Variants in GRID2IP observed in about 807,000 individuals in gnomAD.
GRID2IP encodes the protein delphilin.
A neutral mutation model predicts 114.3 loss-of-function variants in GRID2IP; 78 were observed. The ratio of observed to expected loss-of-function variants is 0.68; its 90% CI spans 0.57 to 0.82. The LOEUF (loss-of-function observed/expected upper bound fraction) is 0.82. Ranked by LOEUF, GRID2IP falls within the 40% of genes least tolerant of loss-of-function variation. The pLI is 0.00. For missense variants in GRID2IP, 1,727 were observed against 1,678.5 expected (o/e 1.03, Z -0.51); for synonymous variants, 809 against 724.0 (o/e 1.12, Z -1.89).
intron 4 of GRID2IP, among the ~76,000 whole-genome samples, chr7:6,524,519 G>A (rs1316537502): frequency 1.3e-5 from 2 of 152,128 alleles, no homozygotes; most frequent in African/African-American, 2.4e-5. Flanking sequence ...CACTGGAGGG[G>A]CAGGAAGAAA....
intron 16 of GRID2IP, among the ~76,000 whole-genome samples, 162 bp from the exon 17 acceptor site, chr7:6,503,325 C>T (rs1786471674): frequency 6.6e-6 from 1 of 152,244 alleles, no homozygotes. Flanking sequence ...TCCCATGTAC[C>T]TTGGACCCCT....
At chr7:6,541,575 C>T (rs903009671) in intron 1 of GRID2IP, among the ~76,000 whole-genome samples, 7 of 152,148 alleles carry the variant, frequency 4.6e-5, no homozygotes, top group East Asian at 3.8e-4. Flanking sequence ...TGGAAATGAG[C>T]GTGCAAATGG....
At chr7:6,540,943 C>T (rs963726582) in intron 1 of GRID2IP, among the ~76,000 whole-genome samples, 2 of 151,996 alleles carry the variant, frequency 1.3e-5, no homozygotes, top group Non-Finnish European at 2.9e-5. Context: ...CTCAAGTGAT[C>T]CTCCCTCTTT....
chr7:6,497,935 C>G, intron 21 of GRID2IP, 90 bp from the exon 22 acceptor site: 1 of 1,410,240 alleles, frequency 7.1e-7, no homozygotes. Context: ...GACAGCCCAT[C>G]AGGGGGTTAG....
intron 2 of GRID2IP, among the ~76,000 whole-genome samples, chr7:6,529,576 C>G (rs1017934074): frequency 6.6e-6 from 1 of 152,230 alleles, no homozygotes; most frequent in African/African-American, 2.4e-5. Flanking sequence ...GCCAAGGCTG[C>G]CTGGTGAGCC....
In GRID2IP at chr7:6,507,700, T is replaced by C. The variant is rs1484238234; in HGVS notation, c.2544+285A>G. On this transcript the variant is annotated intron_variant, in intron 13 of 21. Transcript: ENST00000457091. The surrounding 1 kb of genome is among the most constrained non-coding windows in gnomAD (Gnocchi z 5.3). ...TGAACCAGCTGCTCTTTTAAAGGTT[T>C]AAGAGAACTTGTCTGGCCTCAAAAG... Among the ~76,000 whole-genome samples the C allele has an allele frequency of 6.6e-6, 1 of 152,190 alleles. No homozygotes were observed. Among genetic ancestry groups the C allele is most frequent in the African/African-American group, 2.4e-5 (1 of 41,434 alleles).
chr7:6,510,598 G>A lies in GRID2IP; in HGVS notation c.1653+11C>T, dbSNP rs1366584443. 1.3e-6 allele frequency: 2 copies of A among 1,526,548 alleles called. No individual in the cohort carries two copies. The highest frequency in any genetic ancestry group is 2.8e-5 in the African/African-American group (2 of 71,476). The allele number at this position is 1,526,548 out of a possible 1,614,324, so 94.6% of individuals were successfully genotyped here. A position where few individuals can be genotyped will look rare whatever the true frequency, so the allele number is the denominator to read the frequency against. On this transcript the variant is annotated intron_variant, in intron 10 of 21. Transcript: ENST00000457091. Reference sequence around the variant, plus strand: ...CTACTGACCCCACGTGGAGGGCAGAGAAGGTCTCACCATCTTGGGGTTGGG... The same window carrying A: ...CTACTGACCCCACGTGGAGGGCAGAAAAGGTCTCACCATCTTGGGGTTGGG...
In GRID2IP at chr7:6,536,580, C is replaced by T. The variant is rs1779727299; in HGVS notation, c.584+3138G>A. ...TGGGAGAGGAGAACCGAGAGGGCCT[C>T]CAGCCGAGCCCGGCTGCCAGCAGCC... is the stretch of plus-strand genomic sequence containing the variant. On this transcript the variant is annotated intron_variant, in intron 2 of 21. Transcript: ENST00000457091. The surrounding 1 kb of genome is among the most constrained non-coding windows in gnomAD (Gnocchi z 5.3). Among the ~76,000 whole-genome samples the T allele has an allele frequency of 6.6e-6, 1 of 151,880 alleles. No homozygotes were observed. Among genetic ancestry groups the T allele is most frequent in the Non-Finnish European group, 1.5e-5 (1 of 67,958 alleles).
intron 1 of GRID2IP, among the ~76,000 whole-genome samples, chr7:6,543,323 G>A (rs1175021983): frequency 1.3e-5 from 2 of 151,964 alleles, no homozygotes; most frequent in African/African-American, 4.8e-5. Flanking sequence ...CTTGAGCCTG[G>A]GAGGCGGAGG....
Position 6,509,341 on chromosome 7 carries a change from C to T in GRID2IP, c.1772-28G>A. On this transcript the variant is annotated intron_variant, in intron 11 of 21. Transcript: ENST00000457091. This position sits in a 1 kb window ranked among gnomAD's most constrained non-coding sequence, Gnocchi z 4.9. Reference sequence around the variant, plus strand: ...GGAGGAGGGATGGAGTATGAGGATTCCTCTTCAGCCAGCACCGAGGTTCCA... The same window carrying T: ...GGAGGAGGGATGGAGTATGAGGATTTCTCTTCAGCCAGCACCGAGGTTCCA... 1.4e-6 allele frequency: 2 copies of T among 1,461,706 alleles called. No homozygotes were observed. The highest frequency in any genetic ancestry group is 9.1e-7 in the Non-Finnish European group (1 of 1,103,276). 90.5% of individuals were successfully genotyped at this position (1,461,706 alleles called of 1,614,324 possible).
At chr7:6,544,721 C>T (rs1436264996) in intron 1 of GRID2IP, among the ~76,000 whole-genome samples, 2 of 152,052 alleles carry the variant, frequency 1.3e-5, no homozygotes, top group Non-Finnish European at 2.9e-5. Flanking sequence ...GAGGACAAGG[C>T]GGGAGGATCA....
In GRID2IP at chr7:6,512,043, G is replaced by A. The variant is rs577231618; in HGVS notation, c.1424-1004C>T. On this transcript the variant is annotated intron_variant, in intron 8 of 21. Coordinates refer to ENST00000457091, the MANE Select transcript of GRID2IP (RefSeq NM_001145118.2). Reference sequence around the variant, plus strand: ...GAGCCTCAGCTTCCCAAGTAGCTGGGACCACAGGCATGCACCACCATGCCT... The same window carrying A: ...GAGCCTCAGCTTCCCAAGTAGCTGGAACCACAGGCATGCACCACCATGCCT... 5.3e-5 allele frequency among the ~76,000 whole-genome samples: 8 copies of A among 151,262 alleles called. No homozygotes were observed. In the East Asian group the frequency reaches 1.6e-3, roughly 29 times the overall value.
At position 6,500,874 on chromosome 7, in the gene GRID2IP, A is replaced by G. The variant is rs530697826; in HGVS notation, c.3399+907T>C. 4.4e-4 allele frequency among the ~76,000 whole-genome samples: 67 copies of G among 152,326 alleles called. 2 individuals carry two copies. The South Asian group carries it at 0.014, about 31-fold the overall frequency. On this transcript the variant is annotated intron_variant, in intron 20 of 21. Transcript: ENST00000457091. ...CTGGCCAGGCCCTGTTTGGAGGCTC[A>G]GTGGGAATGTCCCACCCTCCTGACT...
chr7:6,507,061 C>G lies in GRID2IP; in HGVS notation c.2544+924G>C, dbSNP rs1786613993. Among the ~76,000 whole-genome samples, 1 of 152,070 alleles carries G rather than the reference C, an allele frequency of 6.6e-6. No individual in the cohort carries two copies. The highest frequency in any genetic ancestry group is 2.4e-5 in the African/African-American group (1 of 41,386). On this transcript the variant is annotated intron_variant, in intron 13 of 21. Transcript: ENST00000457091. The surrounding 1 kb of genome is among the most constrained non-coding windows in gnomAD (Gnocchi z 5.3). ...AGAAAGCAGGAGACAGAATTGGGACCCAGGAGATGGCAGTGGGGAAAAATC... is the reference window on the plus strand; with the variant it reads ...AGAAAGCAGGAGACAGAATTGGGACGCAGGAGATGGCAGTGGGGAAAAATC...
chr7:6,538,903 AAG>A (rs752917012), intron 2 of GRID2IP, among the ~76,000 whole-genome samples: 1 of 151,586 alleles, frequency 6.6e-6, no homozygotes, highest in African/African-American at 2.4e-5. Context: ...GAAAGAGAGA[AAG>A]AGAGAGAGAG....
At chr7:6,527,392 G>A (rs1004329936) in intron 2 of GRID2IP, among the ~76,000 whole-genome samples, 18 of 152,152 alleles carry the variant, frequency 1.2e-4, no homozygotes, top group African/African-American at 3.9e-4. Flanking sequence ...ATGAGGCTCC[G>A]TACCCAACAC....
rs1412525573 is a variant in GRID2IP at position 6,514,500 on chromosome 7, T to C, written c.1298A>G (p.Tyr433Cys). 10 of 1,540,332 alleles carry C rather than the reference T, an allele frequency of 6.5e-6. No homozygotes were observed. In the Admixed American group the frequency reaches 1.2e-4, roughly 19 times the overall value. ...CTTGGCAGGGGTGTCCAGCACAGGG[T>C]AGACGTCAACGATGAGGGTGTCGAT... is the stretch of plus-strand genomic sequence containing the variant. ...RNIDTLIVDV[Y>C]PVLDTPAKQV... The change falls in exon 8 of 22, where the codon TAC becomes TGC. Residue 433 changes from tyrosine to cysteine, a missense_variant. Physicochemically the swap from Tyr to Cys is radical, Grantham distance 194. Transcript: ENST00000457091.
At chr7:6,530,288 G>A (rs1386383234) in intron 2 of GRID2IP, among the ~76,000 whole-genome samples, 1 of 144,996 alleles carries the variant, frequency 6.9e-6, no homozygotes, top group African/African-American at 2.6e-5. Flanking sequence ...GTTTGTTTGA[G>A]AGAGACTCTC....
rs1344481246 is a variant in GRID2IP at position 6,505,832 on chromosome 7, G to C, written c.2620C>G (p.Gln874Glu). ...TCAGGCCACTCACTAGCAGGTTTCT[G>C]GGTGCCGAAGTGGAGCTCCAGGTCG... ...YLDLELHFGT[Q>E]KPAKPVPGPE... The change falls in exon 14 of 22, where the codon CAG (glutamine) becomes GAG (glutamate). Residue 874 changes from glutamine to glutamate, a missense_variant. Transcript: ENST00000457091. 3 of 1,551,116 alleles carry C rather than the reference G, an allele frequency of 1.9e-6. No homozygotes were observed. The African/African-American group carries it at 4.1e-5, about 21-fold the overall frequency.
Sources: allele counts gnomAD v4.1 joint callset (sites outside exome capture counted in the v4.1 genomes callset), GRCh38; gene constraint gnomAD v4.1.1; non-coding constraint Gnocchi (gnomAD v3.1); transcripts MANE v1.5; gene names NCBI Gene and HGNC (gene_info 2026-07-23, HGNC 2026-07-21).